Variants in PAPPA observed in about 807,000 individuals in gnomAD.
PAPPA encodes the protein pappalysin-1.
Under a neutral mutation model 164.0 loss-of-function variants are expected in PAPPA, and 60 were observed. The observed-to-expected ratio is 0.37, with a 90% CI of 0.30 to 0.45. The LOEUF (loss-of-function observed/expected upper bound fraction) is 0.45. Among genes scored for constraint, PAPPA ranks in the 20% least tolerant of loss-of-function variants. The probability of loss-of-function intolerance (pLI) is 1.00; values close to 1 mark genes in which losing one functional copy is unlikely to be tolerated. For missense variants in PAPPA, 1,782 were observed against 2,087.3 expected (o/e 0.85, Z 2.85); for synonymous variants, 875 against 814.1 (o/e 1.07, Z -1.27).
chr9:116,154,341 G>T lies in PAPPA; in HGVS notation c.169G>T (p.Ala57Ser). The T allele has an allele frequency of 2.4e-6, 2 of 827,604 alleles. No homozygotes were observed. The highest frequency in any genetic ancestry group is 2.9e-6 in the Non-Finnish European group (2 of 693,506). The allele number at this position is 827,604 out of a possible 1,614,324, so 51.3% of individuals were successfully genotyped here. A position where few individuals can be genotyped will look rare whatever the true frequency, so the allele number is the denominator to read the frequency against. ...CATRAARGRRASPPPPPPPGG... is the reference protein window; with the variant it reads ...CATRAARGRRSSPPPPPPPGG... Reference sequence around the variant, plus strand: ...CACCCGGGCGGCCCGCGGCCGCCGCGCCTCGCCGCCGCCGCCGCCGCCGCC... The same window carrying T: ...CACCCGGGCGGCCCGCGGCCGCCGCTCCTCGCCGCCGCCGCCGCCGCCGCC... The change falls in exon 1 of 22, where the codon GCC (alanine) becomes TCC (serine). Residue 57 changes from alanine (A) to serine (S), a missense_variant. Coordinates refer to ENST00000328252, the MANE Select transcript of PAPPA (RefSeq NM_002581.5). The surrounding 1 kb of genome is among the most constrained non-coding windows in gnomAD (Gnocchi z 5.2).
At chr9:116,375,328 T>G (rs1335385618) in intron 19 of PAPPA, among the ~76,000 whole-genome samples, 1 of 152,226 alleles carries the variant, frequency 6.6e-6, no homozygotes, top group East Asian at 1.9e-4. Context: ...CAAGACTGAT[T>G]GGAAGATCAT....
chr9:116,315,937 A>G (rs1261099145), intron 10 of PAPPA, among the ~76,000 whole-genome samples: 1 of 152,222 alleles, frequency 6.6e-6, no homozygotes, highest in Non-Finnish European at 1.5e-5. Context: ...AGAACTCTAC[A>G]CTGTTTTTTG....
chr9:116,382,509 C>T lies in PAPPA; in HGVS notation c.4776+16C>T. On this transcript the variant is annotated intron_variant, in intron 21 of 21. Transcript: ENST00000328252. ...GACCAAAAAGGTAGGCCAGTGTGCA[C>T]TCCTCGGCAGCTGCCTCCTGCCCAC... 1 of 1,524,358 alleles carries T rather than the reference C, an allele frequency of 6.6e-7. No individual in the cohort carries two copies. The highest frequency in any genetic ancestry group is 1.7e-5 in the Admixed American group (1 of 59,906). 94.4% of individuals were successfully genotyped at this position (1,524,358 alleles called of 1,614,324 possible).
intron 7 of PAPPA, among the ~76,000 whole-genome samples, chr9:116,246,842 C>G (rs1468560566): frequency 6.6e-6 from 1 of 152,038 alleles, no homozygotes; most frequent in Non-Finnish European, 1.5e-5. Flanking sequence ...TAGAAAGACC[C>G]CATCTTGACA....
chr9:116,154,567 G>A lies in PAPPA; in HGVS notation c.395G>A (p.Arg132Lys). Residue 132 changes from arginine to lysine, a missense_variant, in exon 1 of 22, where the codon AGG becomes AAG. Physicochemically the swap from Arg to Lys is conservative, Grantham distance 26. Transcript: ENST00000328252. The surrounding 1 kb of genome is among the most constrained non-coding windows in gnomAD (Gnocchi z 5.2). ...QVWLRAEGGQRSPAVITGLYD... is the reference protein window; with the variant it reads ...QVWLRAEGGQKSPAVITGLYD... ...TGGCTGCGAGCGGAGGGGGGCCAGA[G>A]GTCTCCGGCAGTGATCACAGGTAGG... The A allele has an allele frequency of 1.4e-6, 2 of 1,402,644 alleles. No homozygotes were observed. Among genetic ancestry groups the A allele is most frequent in the Non-Finnish European group, 1.9e-6 (2 of 1,076,250 alleles). 86.9% of individuals were successfully genotyped at this position (1,402,644 alleles called of 1,614,324 possible). A position where few individuals can be genotyped will look rare whatever the true frequency, so the allele number is the denominator to read the frequency against.
intron 2 of PAPPA, among the ~76,000 whole-genome samples, chr9:116,192,581 G>A (rs1382844176): frequency 6.6e-6 from 1 of 152,152 alleles, no homozygotes; most frequent in Non-Finnish European, 1.5e-5. Flanking sequence ...GTAAGACAGA[G>A]AAGTCAACAC....
chr9:116,213,706 G>T (rs962788173), intron 4 of PAPPA, among the ~76,000 whole-genome samples: 6 of 152,008 alleles, frequency 3.9e-5, no homozygotes, highest in Non-Finnish European at 7.4e-5. Flanking sequence ...AAGGGTGATT[G>T]ATTTACTATT....
intron 21 of PAPPA, among the ~76,000 whole-genome samples, chr9:116,394,361 T>C (rs943131471): frequency 6.6e-6 from 1 of 152,196 alleles, no homozygotes; most frequent in Non-Finnish European, 1.5e-5. Context: ...ACATGAAATA[T>C]GGTATTTTAA....
At chr9:116,383,658 A>G (rs922273415) in intron 21 of PAPPA, among the ~76,000 whole-genome samples, 3 of 152,206 alleles carry the variant, frequency 2.0e-5, no homozygotes, top group Admixed American at 6.5e-5. Flanking sequence ...ACAAGACCCA[A>G]GGAACACATT....
At chr9:116,255,446 T>G (rs1844916496) in intron 7 of PAPPA, among the ~76,000 whole-genome samples, 1 of 152,080 alleles carries the variant, frequency 6.6e-6, no homozygotes, top group African/African-American at 2.4e-5. Context: ...CCATTGGATA[T>G]TCTAGATAAA....
intron 9 of PAPPA, among the ~76,000 whole-genome samples, chr9:116,284,878 C>A (rs1476903713): frequency 6.6e-6 from 1 of 152,104 alleles, no homozygotes; most frequent in African/African-American, 2.4e-5. Flanking sequence ...CTACCTGAGG[C>A]CCTCTTCAGC....
chr9:116,312,013 A>C (rs562846943), intron 10 of PAPPA, among the ~76,000 whole-genome samples: 2 of 152,350 alleles, frequency 1.3e-5, no homozygotes, highest in East Asian at 3.9e-4. Flanking sequence ...CCCAAGAATA[A>C]GCAAGGCTTT....
intron 4 of PAPPA, among the ~76,000 whole-genome samples, chr9:116,212,742 G>A (rs985970656): frequency 2.0e-5 from 3 of 152,130 alleles, no homozygotes; most frequent in Non-Finnish European, 2.9e-5. Context: ...AGAAAGAAAG[G>A]GAGGAGAGAG....
intron 9 of PAPPA, among the ~76,000 whole-genome samples, chr9:116,295,566 A>AAAG (rs1554749301): frequency 7.1e-4 from 106 of 150,246 alleles, no homozygotes; most frequent in African/African-American, 2.5e-3. Context: ...AAAAAAAAAA[A>AAAG]AAAAGAAAAG....
At chr9:116,298,396 C>T (rs541817668) in intron 9 of PAPPA, among the ~76,000 whole-genome samples, 5 of 152,234 alleles carry the variant, frequency 3.3e-5, no homozygotes, top group East Asian at 1.9e-4. Context: ...CACCTACCCA[C>T]GTCAAGTCTC....
At chr9:116,230,729 G>A (rs1307564361) in intron 6 of PAPPA, among the ~76,000 whole-genome samples, 1 of 152,196 alleles carries the variant, frequency 6.6e-6, no homozygotes, top group Non-Finnish European at 1.5e-5. Flanking sequence ...TTCATAGACA[G>A]TGGTTGCACT....
At chr9:116,162,708 C>T (rs987317399) in intron 1 of PAPPA, among the ~76,000 whole-genome samples, 46 of 152,248 alleles carry the variant, frequency 3.0e-4, no homozygotes, top group African/African-American at 1.0e-3. Context: ...CTAGACCATG[C>T]GGTAACCCAG....
intron 2 of PAPPA, among the ~76,000 whole-genome samples, chr9:116,202,203 TTTG>T (rs747414813): frequency 9.9e-5 from 15 of 152,030 alleles, no homozygotes; most frequent in Non-Finnish European, 1.6e-4. Context: ...ATTTAACGGA[TTTG>T]TTGTTGTTGC....
chr9:116,164,094 C>T (rs944770516), intron 1 of PAPPA, among the ~76,000 whole-genome samples: 3 of 152,304 alleles, frequency 2.0e-5, no homozygotes, highest in African/African-American at 7.2e-5. Flanking sequence ...CCATTCCAGA[C>T]AAATTCCTGG....
Sources: gnomAD v4.1 joint callset for allele counts (sites outside exome capture counted in the v4.1 genomes callset) on GRCh38, gnomAD v4.1.1 for gene constraint, Gnocchi (gnomAD v3.1) non-coding constraint, MANE v1.5 for transcripts, NCBI Gene and HGNC (gene_info 2026-07-23, HGNC 2026-07-21) for gene names.